MAP3K20: variants seen among roughly 807,000 people sequenced by gnomAD.
The protein encoded by MAP3K20 is HCCS-4.
In MAP3K20, 40 loss-of-function variants were observed where a neutral mutation model predicts 85.7. That is an observed-to-expected ratio of 0.47 (90% confidence interval 0.36 to 0.61). MAP3K20 has a LOEUF of 0.61. Among genes scored for constraint, MAP3K20 ranks in the 20% least tolerant of loss-of-function variants. The pLI is 0.00. For missense variants in MAP3K20, 817 were observed against 961.7 expected (o/e 0.85, Z 1.99); for synonymous variants, 325 against 327.7 (o/e 0.99, Z 0.09).
chr2:173,229,626 T>A lies in MAP3K20; in HGVS notation c.988-63T>A, dbSNP rs184903647. The A allele has an allele frequency of 2.6e-5, 41 of 1,603,728 alleles. 1 individual carries two copies. In the African/African-American group the frequency reaches 4.9e-4, roughly 19 times the overall value. ...GAGCTGAAAGAGTGAGACAAGAGGA[T>A]GAACCAAAAAGACAATGATAATATT... On this transcript the variant is annotated intron_variant, in intron 11 of 19. Coordinates refer to ENST00000375213, the MANE Select transcript of MAP3K20 (RefSeq NM_016653.3).
At chr2:173,159,365 T>TCTTTCTTTCCTTC (rs1553572455) in intron 2 of MAP3K20, among the ~76,000 whole-genome samples, 2 of 102,890 alleles carry the variant, frequency 1.9e-5, no homozygotes, top group African/African-American at 6.6e-5. Context: ...TTCTTTCCTT[T>TCTTTCTTTCCTTC]CCTTCCTTTC....
At chr2:173,186,163 T>A (rs1690480151) in intron 4 of MAP3K20, among the ~76,000 whole-genome samples, 1 of 152,198 alleles carries the variant, frequency 6.6e-6, no homozygotes, top group Non-Finnish European at 1.5e-5. Context: ...AGCTTTTGTA[T>A]TTGAGTCTTG....
In MAP3K20 at chr2:173,139,863, A is replaced by G. The variant is rs1688915886; in HGVS notation, c.160-29942A>G. 2.6e-5 allele frequency among the ~76,000 whole-genome samples: 4 copies of G among 152,098 alleles called. No individual in the cohort carries two copies. The South Asian group carries it at 8.3e-4, about 32-fold the overall frequency. ...CTGTGACCCTGCTATACTTACACCC[A>G]CATATTTCCATGTTATATTTACTTC... is the stretch of plus-strand genomic sequence containing the variant. On this transcript the variant is annotated intron_variant, in intron 2 of 19. Transcript: ENST00000375213.
intron 18 of MAP3K20, among the ~76,000 whole-genome samples, chr2:173,262,859 T>C (rs925710766): frequency 6.6e-6 from 1 of 152,208 alleles, no homozygotes; most frequent in African/African-American, 2.4e-5. Flanking sequence ...TGGTCCTCAC[T>C]ACCCAGGAAA....
chr2:173,166,919 T>TTC, intron 2 of MAP3K20: 1 of 148,280 alleles, frequency 6.7e-6, no homozygotes, highest in East Asian at 1.9e-4. Flanking sequence ...TGTTTTTTTT[T>TTC]TTTTTTTTTT....
At chr2:173,132,425 TC>T (rs763014601) in intron 2 of MAP3K20, among the ~76,000 whole-genome samples, 21 of 152,142 alleles carry the variant, frequency 1.4e-4, no homozygotes, top group Non-Finnish European at 2.2e-4. Context: ...GAGGGAAGAA[TC>T]CTCTCCGAAT....
chr2:173,184,177 A>G (rs1690416499), intron 4 of MAP3K20, among the ~76,000 whole-genome samples: 1 of 152,244 alleles, frequency 6.6e-6, no homozygotes, highest in Non-Finnish European at 1.5e-5. Context: ...GTATGTCAGT[A>G]GAACACAAGG....
chr2:173,197,722 C>A, intron 7 of MAP3K20: 1 of 159,872 alleles, frequency 6.3e-6, no homozygotes, highest in Admixed American at 6.4e-5. Context: ...TTTGTGAGAA[C>A]ATAAAAATTC....
intron 2 of MAP3K20, among the ~76,000 whole-genome samples, chr2:173,129,746 A>G (rs1039530302): frequency 1.1e-4 from 16 of 152,222 alleles, no homozygotes; most frequent in Non-Finnish European, 2.1e-4. Flanking sequence ...TTTTATCTAT[A>G]CTTGACCTAT....
At chr2:173,134,366 T>TTG (rs72052198) in intron 2 of MAP3K20, among the ~76,000 whole-genome samples, 217 of 79,672 alleles carry the variant, frequency 2.7e-3, no homozygotes, top group South Asian at 4.7e-3. Flanking sequence ...CCTGGCTAAA[T>TTG]TGTGTGTGTG....
chr2:173,231,960 AAGG>A (rs1239263078), intron 12 of MAP3K20, among the ~76,000 whole-genome samples: 2 of 152,208 alleles, frequency 1.3e-5, no homozygotes, highest in Non-Finnish European at 2.9e-5. Flanking sequence ...TCTCCCAAAG[AAGG>A]AGGAAAACCA....
chr2:173,258,212 A>G (rs772348261), intron 16 of MAP3K20, among the ~76,000 whole-genome samples: 1 of 152,200 alleles, frequency 6.6e-6, no homozygotes, highest in Non-Finnish European at 1.5e-5. Flanking sequence ...TATTAAGAGG[A>G]AAGTGAGAGT....
At chr2:173,259,994 C>T (rs566933016) in intron 17 of MAP3K20, among the ~76,000 whole-genome samples, 3 of 152,252 alleles carry the variant, frequency 2.0e-5, no homozygotes, top group African/African-American at 7.2e-5. Context: ...ACAGACCAAT[C>T]GAAAGTTATA....
chr2:173,152,420 C>T (rs1689334688), intron 2 of MAP3K20, among the ~76,000 whole-genome samples: 1 of 152,094 alleles, frequency 6.6e-6, no homozygotes, highest in Non-Finnish European at 1.5e-5. Context: ...CAGATTGAAG[C>T]CTGTTGTCTC....
chr2:173,255,565 T>C (rs1325885032), intron 16 of MAP3K20, among the ~76,000 whole-genome samples: 1 of 152,198 alleles, frequency 6.6e-6, no homozygotes, highest in East Asian at 1.9e-4. Flanking sequence ...TAGAGCATAG[T>C]AAGCACTCCA....
chr2:173,179,640 T>C (rs938761611), intron 3 of MAP3K20, among the ~76,000 whole-genome samples: 2 of 150,794 alleles, frequency 1.3e-5, no homozygotes, highest in Non-Finnish European at 2.9e-5. Context: ...GGCATCCAGA[T>C]TGGAAAGGAA....
At chr2:173,184,647 G>A (rs1690431488) in intron 4 of MAP3K20, among the ~76,000 whole-genome samples, 1 of 152,130 alleles carries the variant, frequency 6.6e-6, no homozygotes, top group African/African-American at 2.4e-5. Flanking sequence ...AGTGGCTCAT[G>A]CCTATAATCC....
chr2:173,266,578 C>T lies in MAP3K20; in HGVS notation c.2231C>T (p.Pro744Leu), dbSNP rs1558919753. 1 of 1,613,730 alleles carries T rather than the reference C, an allele frequency of 6.2e-7. No homozygotes were observed. The highest frequency in any genetic ancestry group is 1.7e-5 in the Admixed American group (1 of 59,970). ...PRDLHQPNTI[P>L]GMPLHPETDS... The stretch of plus-strand genomic sequence containing the variant: ...GACCTCCACCAACCCAACACCATAC[C>T]AGGGATGCCTTTGCACCCTGAGACT... Residue 744 changes from proline (P) to leucine (L), a missense_variant, in exon 20 of 20, where the codon CCA becomes CTA. This residue lies in a region of MAP3K20 where 454 missense variants were observed against 476.9 expected (regional missense o/e 0.95). Transcript: ENST00000375213.
intron 9 of MAP3K20, 77 bp from the exon 10 acceptor site, chr2:173,209,652 T>C: frequency 9.1e-6 from 11 of 1,202,740 alleles, no homozygotes; most frequent in Non-Finnish European, 1.3e-5. Context: ...ATTACTATGC[T>C]TGTAGTATCT....
Sources: gnomAD v4.1 joint callset for allele counts (sites outside exome capture counted in the v4.1 genomes callset) on GRCh38, gnomAD v4.1.1 for gene constraint, gnomAD v4.1.1 regional missense constraint, MANE v1.5 for transcripts, NCBI Gene and HGNC (gene_info 2026-07-23, HGNC 2026-07-21) for gene names.